Variants in DLC1 observed in about 807,000 individuals in gnomAD.
DLC1 encodes rho GTPase-activating protein 7.
A neutral mutation model predicts 140.3 loss-of-function variants in DLC1; 54 were observed. The ratio of observed to expected loss-of-function variants is 0.38; its 90% CI spans 0.31 to 0.48. DLC1 has a LOEUF of 0.48. Ranked by LOEUF, DLC1 falls within the 20% of genes least tolerant of loss-of-function variation. The pLI, the probability that DLC1 is intolerant of heterozygous loss-of-function variation, is 0.96. For synonymous variants in DLC1, 986 were observed against 728.1 expected, an observed-to-expected ratio of 1.35 and a Z score of -5.70; for missense variants, 2,536 against 1,907.0, an observed-to-expected ratio of 1.33 and a Z score of -6.14.
chr8:13,550,623 C>T (rs1356393431), intron 1 of DLC1, among the ~76,000 whole-genome samples: 4 of 152,126 alleles, frequency 2.6e-5, no homozygotes, highest in Non-Finnish European at 5.9e-5. Context: ...ATAATAGAAT[C>T]TTAAAACAAA....
rs558005414 is a variant in DLC1 at position 13,148,457 on chromosome 8, G to A, written c.1349-32800C>T. On this transcript the variant is annotated intron_variant, in intron 5 of 17. Coordinates refer to ENST00000276297, the MANE Select transcript of DLC1 (RefSeq NM_182643.3). ...TCCATCCACATTCCCGCAAAAGACAGGGTTCTGTTCGTTTTTGTGGCTGCA... is the reference window on the plus strand; with the variant it reads ...TCCATCCACATTCCCGCAAAAGACAAGGTTCTGTTCGTTTTTGTGGCTGCA... Among the ~76,000 whole-genome samples the A allele has an allele frequency of 2.0e-3, 307 of 152,348 alleles. 1 individual carries two copies. Among genetic ancestry groups the A allele is most frequent in the Admixed American group, 5.2e-3 (80 of 15,300 alleles).
At chr8:13,361,109 G>A (rs1243865164) in intron 4 of DLC1, among the ~76,000 whole-genome samples, 1 of 151,268 alleles carries the variant, frequency 6.6e-6, no homozygotes, top group Non-Finnish European at 1.5e-5. Flanking sequence ...GCATGTGCCT[G>A]TAGTACCAGC....
At chr8:13,231,414 A>G (rs1410449758) in intron 5 of DLC1, among the ~76,000 whole-genome samples, 2 of 152,166 alleles carry the variant, frequency 1.3e-5, no homozygotes, top group Non-Finnish European at 2.9e-5. Flanking sequence ...TTCTTCTGTG[A>G]TCTCCTTTGT....
At chr8:13,431,736 G>A (rs1325744267) in intron 2 of DLC1, among the ~76,000 whole-genome samples, 1 of 152,042 alleles carries the variant, frequency 6.6e-6, no homozygotes, top group African/African-American at 2.4e-5. Context: ...TAGAACGGGT[G>A]ATATGCTTAC....
In DLC1 at chr8:13,354,800, T is replaced by A. The variant is rs556739449; in HGVS notation, c.1314+38753A>T. On this transcript the variant is annotated intron_variant, in intron 4 of 17. Transcript: ENST00000276297. ...TCTCTACAAAAAATAAAAAAAAAAA[T>A]TAGCTGGGCATGGTGGTACATGCCT... Among the ~76,000 whole-genome samples, 90 of 130,670 alleles carry A rather than the reference T, an allele frequency of 6.9e-4. 2 individuals carry two copies. The South Asian group carries it at 0.015, about 22-fold the overall frequency. The allele number at this position is 130,670 out of a possible 152,430, so 85.7% of individuals were successfully genotyped here. A position where few individuals can be genotyped will look rare whatever the true frequency, so the allele number is the denominator to read the frequency against.
At chr8:13,199,748 A>G (rs1473468095) in intron 5 of DLC1, among the ~76,000 whole-genome samples, 4 of 152,296 alleles carry the variant, frequency 2.6e-5, no homozygotes, top group Non-Finnish European at 5.9e-5. Flanking sequence ...GGAAATGGGT[A>G]AAAACAGAGT....
At chr8:13,165,439 T>C (rs1365292478) in intron 5 of DLC1, among the ~76,000 whole-genome samples, 1 of 152,188 alleles carries the variant, frequency 6.6e-6, no homozygotes, top group African/African-American at 2.4e-5. Context: ...TATTGTTGCA[T>C]TGCTGGAGAC....
intron 4 of DLC1, among the ~76,000 whole-genome samples, chr8:13,381,679 G>A (rs2117162564): frequency 6.6e-6 from 1 of 152,266 alleles, no homozygotes; most frequent in African/African-American, 2.4e-5. Flanking sequence ...TTTTGGAAAT[G>A]AGCCAGTCAA....
At chr8:13,279,968 C>T (rs151163076) in intron 5 of DLC1, among the ~76,000 whole-genome samples, 151 of 151,946 alleles carry the variant, frequency 9.9e-4, no homozygotes, top group African/African-American at 3.3e-3. Flanking sequence ...TTTCAAGATC[C>T]CACTGGGAAT....
chr8:13,149,642 T>C (rs553914029), intron 5 of DLC1, among the ~76,000 whole-genome samples: 76 of 152,334 alleles, frequency 5.0e-4, no homozygotes, highest in African/African-American at 1.7e-3. Context: ...ATTTTTCACG[T>C]TCTCTTTTAT....
chr8:13,374,665 C>T (rs578164918), intron 4 of DLC1, among the ~76,000 whole-genome samples: 40 of 152,224 alleles, frequency 2.6e-4, no homozygotes, highest in African/African-American at 9.4e-4. Flanking sequence ...CGCCTGTAAT[C>T]CTTGGTCCTA....
intron 1 of DLC1, among the ~76,000 whole-genome samples, chr8:13,572,386 A>G (rs1804691626): frequency 6.6e-6 from 1 of 152,150 alleles, no homozygotes; most frequent in Non-Finnish European, 1.5e-5. Context: ...TTTGGATAGT[A>G]AATTCTTATC....
At chr8:13,549,826 G>T (rs1803783585) in intron 1 of DLC1, among the ~76,000 whole-genome samples, 1 of 152,074 alleles carries the variant, frequency 6.6e-6, no homozygotes, top group Non-Finnish European at 1.5e-5. Flanking sequence ...AAATTCTAGA[G>T]CTTAAAGAGA....
Position 13,414,534 on chromosome 8 carries a change from A to G in DLC1, c.1024-12915T>C, listed in dbSNP as rs551724672. The stretch of plus-strand genomic sequence containing the variant: ...ATTGCACAAATTCCTGAATATTTGC[A>G]CTGTTTCTTTTAGCTCAAAGATAGA... On this transcript the variant is annotated intron_variant, in intron 2 of 17. Coordinates refer to ENST00000276297, the MANE Select transcript of DLC1 (RefSeq NM_182643.3). Among the ~76,000 whole-genome samples the G allele has an allele frequency of 5.3e-5, 8 of 152,278 alleles. No homozygotes were observed. The South Asian group carries it at 1.7e-3, about 32-fold the overall frequency.
intron 5 of DLC1, among the ~76,000 whole-genome samples, chr8:13,188,840 TATA>T (rs1563149852): frequency 1.5e-3 from 47 of 30,592 alleles, no homozygotes; most frequent in Middle Eastern, 0.04. Flanking sequence ...TATATATATA[TATA>T]TTTTTTTTTT....
intron 5 of DLC1, among the ~76,000 whole-genome samples, chr8:13,163,609 TG>T: frequency 6.6e-6 from 1 of 152,130 alleles, no homozygotes; most frequent in Non-Finnish European, 1.5e-5. Context: ...GGAATCAGAC[TG>T]GGGAAAGGTT....
At chr8:13,098,363 T>C (rs1003753792) in intron 10 of DLC1, 36 bp downstream of exon 10, 8 of 1,608,060 alleles carry the variant, frequency 5.0e-6, no homozygotes, top group Non-Finnish European at 6.8e-6. Context: ...AAAATATCAT[T>C]TTCAACGACA....
At chr8:13,393,781 C>T (rs1422417071) in intron 3 of DLC1, 88 bp from the exon 4 acceptor site, 3 of 1,489,594 alleles carry the variant, frequency 2.0e-6, no homozygotes, top group Admixed American at 4.0e-5. Flanking sequence ...GTCACTTCTT[C>T]TTTCTCCCAG....
At chr8:13,371,326 G>A (rs981866323) in intron 4 of DLC1, among the ~76,000 whole-genome samples, 2 of 151,984 alleles carry the variant, frequency 1.3e-5, no homozygotes, top group Non-Finnish European at 2.9e-5. Context: ...AATGTATTCT[G>A]TCCCCATTCA....
Sources: gnomAD v4.1 joint callset for allele counts (sites outside exome capture counted in the v4.1 genomes callset) on GRCh38, gnomAD v4.1.1 for gene constraint, MANE v1.5 for transcripts, NCBI Gene and HGNC (gene_info 2026-07-23, HGNC 2026-07-21) for gene names.